Variants in TSC2 observed in about 807,000 individuals in gnomAD.
The protein encoded by TSC2 is TSC complex subunit 2, also known as tuberin.
A neutral mutation model predicts 202.2 loss-of-function variants in TSC2; 29 were observed. That is an observed-to-expected ratio of 0.14 (90% confidence interval 0.11 to 0.20). The LOEUF (loss-of-function observed/expected upper bound fraction) is 0.20. Ranked by LOEUF, TSC2 falls within the 10% of genes least tolerant of loss-of-function variation. The probability of loss-of-function intolerance (pLI) is 1.00; values close to 1 mark genes in which losing one functional copy is unlikely to be tolerated. For synonymous variants in TSC2, 1,349 were observed against 1,044.0 expected, an observed-to-expected ratio of 1.29 and a Z score of -5.63; for missense variants, 2,429 against 2,420.0, an observed-to-expected ratio of 1.00 and a Z score of -0.08.
intron 32 of TSC2, 85 bp downstream of exon 32, chr16:2,082,589 C>A (rs912163667): frequency 7.5e-6 from 11 of 1,474,392 alleles, no homozygotes; most frequent in Non-Finnish European, 1.0e-5. Context: ...TCCGCCCACC[C>A]CCATGGTCCG....
In TSC2 at chr16:2,054,713, T is replaced by G. The variant is rs1180767577; in HGVS notation, c.481+273T>G. Reference sequence around the variant, plus strand: ...CGAACACCTCTGCAACGGCAGGAGCTGGGCGAGTTCTGTCACTGGGAGGTG... The same window carrying G: ...CGAACACCTCTGCAACGGCAGGAGCGGGGCGAGTTCTGTCACTGGGAGGTG... On this transcript the variant is annotated intron_variant, in intron 5 of 41. Transcript: ENST00000219476. The G allele has an allele frequency of 1.1e-5, 6 of 530,908 alleles. No individual in the cohort carries two copies. In the Admixed American group the frequency reaches 1.9e-4, roughly 17 times the overall value. 32.9% of individuals were successfully genotyped at this position (530,908 alleles called of 1,614,324 possible). A position where few individuals can be genotyped will look rare whatever the true frequency, so the allele number is the denominator to read the frequency against.
At position 2,079,096 on chromosome 16, in the gene TSC2, G is replaced by A. The variant is rs1430119276; in HGVS notation, c.3031G>A (p.Ala1011Thr). Residue 1011 changes from alanine (A) to threonine (T), a missense_variant, in exon 27 of 42, where the codon GCT becomes ACT. Transcript: ENST00000219476. The surrounding 1 kb of genome is among the most constrained non-coding windows in gnomAD (Gnocchi z 4.6). ...TGCAGATGAGAACTCCGTGGCCCAGGCTGACGATAGCCTGAAAAACCTCCA... is the reference window on the plus strand; with the variant it reads ...TGCAGATGAGAACTCCGTGGCCCAGACTGACGATAGCCTGAAAAACCTCCA... ...GSADENSVAQ[A>T]DDSLKNLHLE... 6.2e-7 allele frequency: 1 copy of A among 1,612,992 alleles called. No homozygotes were observed. The highest frequency in any genetic ancestry group is 2.2e-5 in the East Asian group (1 of 44,880).
At chr16:2,054,258 C>G in intron 4 of TSC2, 38 bp from the exon 5 acceptor site, 1 of 1,613,956 alleles carries the variant, frequency 6.2e-7, no homozygotes, top group Non-Finnish European at 8.5e-7. Flanking sequence ...GTGGGCGACG[C>G]TGGCAGGCTC....
rs753116101 is a variant in TSC2, at chr16:2,086,921, C to CT, written c.4989+51dup. ...CTGGGCCCCAGGCAGGTGCCCACTG[C>CT]TGTGTCCCGGGTTGGTGGCAGGTCC... On this transcript the variant is annotated intron_variant, in intron 38 of 41. Coordinates refer to ENST00000219476, the MANE Select transcript of TSC2 (RefSeq NM_000548.5). 1.1e-4 allele frequency: 172 copies of CT among 1,550,880 alleles called. 2 individuals carry two copies. Among genetic ancestry groups the CT allele is most frequent in the South Asian group, 8.4e-4 (71 of 84,338 alleles).
intron 17 of TSC2, among the ~76,000 whole-genome samples, chr16:2,071,041 T>C (rs1417982019): frequency 6.6e-6 from 1 of 152,046 alleles, no homozygotes; most frequent in African/African-American, 2.4e-5. Context: ...GAGTTTGCGC[T>C]ATAGATGTTG....
intron 16 of TSC2, chr16:2,068,613 G>A (rs1161592412): frequency 6.6e-6 from 1 of 152,132 alleles, no homozygotes; most frequent in African/African-American, 2.4e-5. Context: ...GGTGACTCAC[G>A]CCTGTAATCC....
At chr16:2,055,183 C>T (rs766936812) in intron 5 of TSC2, 4 of 631,246 alleles carry the variant, frequency 6.3e-6, no homozygotes, top group Non-Finnish European at 8.7e-6. Flanking sequence ...TGTGCAGCCC[C>T]AGGGGCGGTA....
chr16:2,063,686 G>C, intron 14 of TSC2: 1 of 224,138 alleles, frequency 4.5e-6, no homozygotes, highest in Non-Finnish European at 9.0e-6. Context: ...ATTGCCCTTT[G>C]CTGGGCATTG....
chr16:2,055,810 G>A, intron 6 of TSC2: 1 of 441,278 alleles, frequency 2.3e-6, no homozygotes, highest in Admixed American at 3.5e-5. Context: ...AGAATTGCTT[G>A]AAACCGGAAG....
In TSC2 at chr16:2,071,811, G is replaced by C. The variant is rs1353218608; in HGVS notation, c.1974G>C (p.Lys658Asn). 6.2e-7 allele frequency: 1 copy of C among 1,603,582 alleles called. No homozygotes were observed. The highest frequency in any genetic ancestry group is 8.5e-7 in the Non-Finnish European group (1 of 1,176,124). ...AGCCAGAGAGAGGCTCTGAGAAGAA[G>C]ACCAGCGGCCCCCTTTCTCCTCCCA... ...YMEPERGSEK[K>N]TSGPLSPPTG... Residue 658 changes from lysine to asparagine, a missense_variant, in exon 19 of 42, where the codon AAG becomes AAC. Transcript: ENST00000219476.
intron 30 of TSC2, 107 bp from the exon 31 acceptor site, chr16:2,081,488 G>A (rs2090135473): frequency 7.2e-7 from 1 of 1,384,422 alleles, no homozygotes; most frequent in South Asian, 1.2e-5. Flanking sequence ...GATTGTGGGA[G>A]GGAGCATGAG....
intron 10 of TSC2, 31 bp downstream of exon 10, chr16:2,058,904 C>A (rs1193636574): frequency 2.5e-6 from 4 of 1,599,150 alleles, no homozygotes; most frequent in Non-Finnish European, 3.4e-6. Context: ...AGTGAGCTGG[C>A]AGGAACGGGA....
chr16:2,048,078 C>T lies in TSC2; in HGVS notation c.-30+13C>T. ...GGCGCGGCGCGGGGTAAGTGGCGGT[C>T]CCCACGGGGCAAGTGGCGGTCCCCA... On this transcript the variant is annotated intron_variant, in intron 1 of 41. Coordinates refer to ENST00000219476, the MANE Select transcript of TSC2 (RefSeq NM_000548.5). The T allele has an allele frequency of 7.0e-7, 1 of 1,424,382 alleles. No individual in the cohort carries two copies. Among genetic ancestry groups the T allele is most frequent in the Non-Finnish European group, 9.1e-7 (1 of 1,096,318 alleles). 88.2% of individuals were successfully genotyped at this position (1,424,382 alleles called of 1,614,324 possible).
chr16:2,083,344 C>A, intron 32 of TSC2: 1 of 466,854 alleles, frequency 2.1e-6, no homozygotes, highest in South Asian at 1.8e-5. Flanking sequence ...GTTACGAGGG[C>A]TGGTTTCAGG....
chr16:2,071,324 G>A (rs1025533137), intron 17 of TSC2, 186 bp from the exon 18 acceptor site: 1 of 660,398 alleles, frequency 1.5e-6, no homozygotes, highest in African/African-American at 1.8e-5. Flanking sequence ...GGAGGCTGTG[G>A]GTGCTGGGCC....
chr16:2,070,373 G>GC (rs2088094298), intron 16 of TSC2, 83 bp from the exon 17 acceptor site: 1 of 1,611,550 alleles, frequency 6.2e-7, no homozygotes, highest in Admixed American at 1.7e-5. Flanking sequence ...AGCCGCCCCG[G>GC]CCCCTGCTCC....
intron 24 of TSC2, 150 bp from the exon 25 acceptor site, chr16:2,076,341 C>T (rs564613525): frequency 4.9e-5 from 76 of 1,560,748 alleles, no homozygotes; most frequent in African/African-American, 4.6e-4. Flanking sequence ...GGCTTTGATG[C>T]GCGGCAGGCA....
Position 2,054,328 on chromosome 16 carries a change from C to T in TSC2, c.369C>T (p.Phe123=), listed in dbSNP as rs1567399252. The T allele has an allele frequency of 6.2e-7, 1 of 1,614,090 alleles. No homozygotes were observed. Among genetic ancestry groups the T allele is most frequent in the African/African-American group, 1.3e-5 (1 of 74,936 alleles). Residue 123 remains phenylalanine, a synonymous_variant, in exon 5 of 42, where the codon TTC becomes TTT. Coordinates refer to ENST00000219476, the MANE Select transcript of TSC2 (RefSeq NM_000548.5). Reference sequence around the variant, plus strand: ...GTTTGGGGGTCCTCAGAGCCCTCTTCTTTAAGGTCATCAAGGATTACCCTT... The same window carrying T: ...GTTTGGGGGTCCTCAGAGCCCTCTTTTTTAAGGTCATCAAGGATTACCCTT... ...GERLGVLRAL[F]FKVIKDYPSN... is the part of the protein sequence containing the mutation.
At chr16:2,063,120 G>A (rs2151175328) in intron 14 of TSC2, 67 bp downstream of exon 14, 1 of 1,527,082 alleles carries the variant, frequency 6.5e-7, no homozygotes, top group Non-Finnish European at 8.9e-7. Context: ...TGTCTCTGTT[G>A]TGCACGTGCT....
Sources: allele counts gnomAD v4.1 joint callset (sites outside exome capture counted in the v4.1 genomes callset), GRCh38; gene constraint gnomAD v4.1.1; non-coding constraint Gnocchi (gnomAD v3.1); transcripts MANE v1.5; gene names NCBI Gene and HGNC (gene_info 2026-07-23, HGNC 2026-07-21).